Variants in INO80 observed in about 807,000 individuals in gnomAD.
The protein encoded by INO80 is INO80 complex ATPase subunit.
INO80 carries 20 observed loss-of-function variants against 203.4 expected under a neutral mutation model. The observed-to-expected ratio is 0.10, with a 90% CI of 0.07 to 0.14. INO80 has a LOEUF of 0.14. Ranked by LOEUF, INO80 falls within the 10% of genes least tolerant of loss-of-function variation. The pLI is 1.00. For synonymous variants in INO80, 726 were observed against 685.2 expected (o/e 1.06, Z -0.93); for missense variants, 1,419 against 1,914.4 (o/e 0.74, Z 4.83).
At chr15:41,029,702 C>T (rs185344921) in intron 24 of INO80, among the ~76,000 whole-genome samples, 2 of 152,318 alleles carry the variant, frequency 1.3e-5, no homozygotes, top group African/African-American at 4.8e-5. Flanking sequence ...TGTTTATGCC[C>T]ATTATCACTT....
intron 1 of INO80, among the ~76,000 whole-genome samples, chr15:41,097,004 A>G (rs2045735325): frequency 6.6e-6 from 1 of 152,176 alleles, no homozygotes; most frequent in Non-Finnish European, 1.5e-5. Flanking sequence ...ATTGTTAAAG[A>G]CAACATTAGG....
intron 10 of INO80, among the ~76,000 whole-genome samples, chr15:41,074,036 C>T (rs1450865866): frequency 6.6e-6 from 1 of 152,002 alleles, no homozygotes; most frequent in Non-Finnish European, 1.5e-5. Flanking sequence ...AAACAAGAAT[C>T]GTATTATGTG....
intron 28 of INO80, chr15:41,004,721 G>T (rs2044011829): frequency 6.6e-6 from 1 of 152,224 alleles, no homozygotes; most frequent in Non-Finnish European, 1.5e-5. Context: ...TCATTAGCAG[G>T]TGGGAGAGGT....
intron 24 of INO80, among the ~76,000 whole-genome samples, chr15:41,037,368 C>T (rs908807159): frequency 2.0e-5 from 3 of 150,298 alleles, no homozygotes; most frequent in African/African-American, 7.3e-5. Flanking sequence ...ATTAGCCGGG[C>T]GTGTTGGCAC....
At chr15:41,046,206 C>CATACATATATATATATAT (rs1268610100) in intron 23 of INO80, among the ~76,000 whole-genome samples, 1 of 14,418 alleles carries the variant, frequency 6.9e-5, no homozygotes, top group African/African-American at 2.3e-4. Flanking sequence ...CGTATACATA[C>CATACATATATATATATAT]ATATATATAT....
At chr15:41,071,336 G>C (rs1319551360) in intron 12 of INO80, among the ~76,000 whole-genome samples, 2 of 151,830 alleles carry the variant, frequency 1.3e-5, no homozygotes, top group African/African-American at 4.8e-5. Context: ...ATGTTGGTGT[G>C]CTGCACCCAT....
intron 29 of INO80, among the ~76,000 whole-genome samples, chr15:40,988,962 C>A (rs1208471175): frequency 6.6e-6 from 1 of 152,028 alleles, no homozygotes; most frequent in Non-Finnish European, 1.5e-5. Flanking sequence ...TTGCAGTGAG[C>A]CGACACTGCA....
rs546704325 is a variant in INO80 at position 41,115,266 on chromosome 15, G to C, written c.-44+707C>G. Among the ~76,000 whole-genome samples the C allele has an allele frequency of 2.2e-4, 34 of 152,296 alleles. 1 individual carries two copies. The highest frequency in any genetic ancestry group is 7.7e-4 in the African/African-American group (32 of 41,560). On this transcript the variant is annotated intron_variant, in intron 1 of 35. Transcript: ENST00000648947. ...ACTAGAATAGTAAGTGGCTGCCTAG[G>C]TTCTGTCATTCCTAAACTGTAGGGG...
intron 24 of INO80, among the ~76,000 whole-genome samples, chr15:41,039,786 A>C (rs1310962114): frequency 6.6e-6 from 1 of 152,248 alleles, no homozygotes; most frequent in African/African-American, 2.4e-5. Context: ...ACACAGGAAT[A>C]TCTTCTGTAG....
At chr15:40,984,014 G>T in intron 33 of INO80, 93 bp from the exon 34 acceptor site, 1 of 1,481,524 alleles carries the variant, frequency 6.7e-7, no homozygotes, top group Non-Finnish European at 9.3e-7. Context: ...AGTTGAGGCT[G>T]CTTTGGCTTC....
chr15:41,032,867 G>A (rs8038537), intron 24 of INO80, among the ~76,000 whole-genome samples: 1 of 151,936 alleles, frequency 6.6e-6, no homozygotes, highest in Non-Finnish European at 1.5e-5. Flanking sequence ...ATGAAACCCC[G>A]TCTCTACTAC....
intron 1 of INO80, among the ~76,000 whole-genome samples, chr15:41,101,520 A>C (rs1043043755): frequency 4.0e-5 from 6 of 151,448 alleles, no homozygotes; most frequent in Non-Finnish European, 5.9e-5. Context: ...GTGATATTTG[A>C]GTCACCAACA....
At chr15:41,044,276 T>C (rs2044717321) in intron 24 of INO80, among the ~76,000 whole-genome samples, 1 of 152,194 alleles carries the variant, frequency 6.6e-6, no homozygotes, top group Non-Finnish European at 1.5e-5. Context: ...TTATTCATAA[T>C]AGCCTAGAAC....
At chr15:41,017,230 T>C (rs1007719366) in intron 26 of INO80, 1 of 152,188 alleles carries the variant, frequency 6.6e-6, no homozygotes, top group African/African-American at 2.4e-5. Flanking sequence ...AACTCACAAA[T>C]TTTCATCTTA....
At chr15:40,984,381 CGT>C (rs1566898408) in intron 32 of INO80, 29 bp from the exon 33 acceptor site, 1 of 1,604,312 alleles carries the variant, frequency 6.2e-7, no homozygotes, top group Admixed American at 1.7e-5. Context: ...ATATGGAAAA[CGT>C]GTGAGGATGC....
At chr15:41,040,092 G>A (rs147730172) in intron 24 of INO80, among the ~76,000 whole-genome samples, 84 of 152,126 alleles carry the variant, frequency 5.5e-4, no homozygotes, top group African/African-American at 1.6e-3. Context: ...AACTGTGATC[G>A]CAGCACTTTG....
At chr15:41,091,895 G>A (rs992332560) in intron 5 of INO80, 132 bp downstream of exon 5, 13 of 615,974 alleles carry the variant, frequency 2.1e-5, no homozygotes, top group South Asian at 3.1e-5. Context: ...CTCATGATCC[G>A]CCCGCCTCGT....
intron 23 of INO80, among the ~76,000 whole-genome samples, chr15:41,045,581 CAAAAAAA>C (rs61411603): frequency 3.9e-5 from 5 of 129,328 alleles, no homozygotes; most frequent in Non-Finnish European, 4.8e-5. Context: ...GACTCTGTCT[CAAAAAAA>C]AAAAAAAAAA....
At chr15:41,091,898 C>G (rs553804206) in intron 5 of INO80, 129 bp downstream of exon 5, 22 of 644,298 alleles carry the variant, frequency 3.4e-5, no homozygotes, top group Non-Finnish European at 5.1e-5. Context: ...ATGATCCGCC[C>G]GCCTCGTCCT....
Sources: gnomAD v4.1 joint callset for allele counts (sites outside exome capture counted in the v4.1 genomes callset) on GRCh38, gnomAD v4.1.1 for gene constraint, MANE v1.5 for transcripts, NCBI Gene and HGNC (gene_info 2026-07-23, HGNC 2026-07-21) for gene names.